MYO16: variants seen among roughly 807,000 people sequenced by gnomAD.
The protein encoded by MYO16 is unconventional myosin-XVI.
Under a neutral mutation model 205.3 loss-of-function variants are expected in MYO16, and 94 were observed. The ratio of observed to expected loss-of-function variants is 0.46; its 90% CI spans 0.39 to 0.54. MYO16 has a LOEUF of 0.54. MYO16 is among the 20% of genes least tolerant of loss of function. The pLI is 0.00. For synonymous variants in MYO16, 988 were observed against 954.0 expected, an observed-to-expected ratio of 1.04 and a Z score of -0.66; for missense variants, 2,315 against 2,387.5, an observed-to-expected ratio of 0.97 and a Z score of 0.63.
At chr13:108,967,676 G>A (rs180717855) in intron 20 of MYO16, among the ~76,000 whole-genome samples, 41 of 152,242 alleles carry the variant, frequency 2.7e-4, no homozygotes, top group African/African-American at 9.6e-4. Flanking sequence ...GTCCAAACAG[G>A]TAAAATAATA....
intron 4 of MYO16, among the ~76,000 whole-genome samples, chr13:108,773,608 C>G (rs1886036024): frequency 6.6e-6 from 1 of 152,130 alleles, no homozygotes; most frequent in South Asian, 2.1e-4. Flanking sequence ...TGGATTAAGG[C>G]CCATCCTACT....
At chr13:108,721,581 G>T (rs369973902) in intron 3 of MYO16, among the ~76,000 whole-genome samples, 2 of 152,310 alleles carry the variant, frequency 1.3e-5, no homozygotes, top group African/African-American at 4.8e-5. Flanking sequence ...ATGTCATCAT[G>T]GTCCCCAAGT....
At chr13:108,521,173 A>T in the MYO16 span, among the ~76,000 whole-genome samples, 4 of 152,234 alleles carry the variant, frequency 2.6e-5, no homozygotes, top group African/African-American at 9.6e-5. Context: ...GGAGGCTGGA[A>T]ATAAACATGT....
chr13:108,679,053 A>G (rs1261386020), intron 2 of MYO16, among the ~76,000 whole-genome samples: 1 of 152,024 alleles, frequency 6.6e-6, no homozygotes, highest in East Asian at 1.9e-4. Flanking sequence ...CCCACAGAAA[A>G]CCCCAGGTAA....
At chr13:109,035,170 A>G (rs944253217) in intron 23 of MYO16, among the ~76,000 whole-genome samples, 38 of 152,190 alleles carry the variant, frequency 2.5e-4, no homozygotes, top group African/African-American at 9.2e-4. Flanking sequence ...GGATTTTTGA[A>G]AAATCCTGCA....
At chr13:109,069,596 TA>T (rs376190064) in intron 27 of MYO16, among the ~76,000 whole-genome samples, 152,016 of 152,136 alleles carry the variant, frequency 1, 75,948 homozygotes, top group Non-Finnish European at 1. Flanking sequence ...AGAGGGGCTC[TA>T]CACTGTGTGC....
chr13:108,789,588 G>A (rs1325405158), intron 5 of MYO16, among the ~76,000 whole-genome samples: 1 of 152,142 alleles, frequency 6.6e-6, no homozygotes, highest in East Asian at 1.9e-4. Context: ...CTGCTGTTAG[G>A]GTTGGGAGAA....
At chr13:108,911,546 T>A (rs1881267827) in intron 16 of MYO16, among the ~76,000 whole-genome samples, 1 of 152,012 alleles carries the variant, frequency 6.6e-6, no homozygotes, top group African/African-American at 2.4e-5. Context: ...GGATCTCAGA[T>A]TAGAGTTGTA....
intron 14 of MYO16, among the ~76,000 whole-genome samples, chr13:108,892,091 C>G (rs1880203522): frequency 6.6e-6 from 1 of 152,070 alleles, no homozygotes; most frequent in South Asian, 2.1e-4. Context: ...GATCCCCAAG[C>G]TTATGTCTGA....
intron 16 of MYO16, among the ~76,000 whole-genome samples, chr13:108,929,697 C>A (rs1052273562): frequency 1.3e-5 from 2 of 152,074 alleles, no homozygotes; most frequent in Non-Finnish European, 2.9e-5. Flanking sequence ...CAAGGTCCTG[C>A]CTTCCATGGG....
At chr13:108,542,844 T>C in the MYO16 span, among the ~76,000 whole-genome samples, 4 of 151,782 alleles carry the variant, frequency 2.6e-5, no homozygotes, top group Non-Finnish European at 5.9e-5. Context: ...TTATTAATTT[T>C]AAATAAACCA....
chr13:108,615,298 A>G (rs1264609664), intron 1 of MYO16, among the ~76,000 whole-genome samples: 4 of 152,162 alleles, frequency 2.6e-5, no homozygotes, highest in African/African-American at 4.8e-5. Flanking sequence ...CAATCAGACA[A>G]TAACAAGTGC....
chr13:109,139,954 G>C (rs902206157), intron 31 of MYO16, among the ~76,000 whole-genome samples: 9 of 152,082 alleles, frequency 5.9e-5, no homozygotes, highest in Middle Eastern at 3.4e-3. Context: ...AACTAGGCAA[G>C]GGGGGTGGGT....
intron 16 of MYO16, among the ~76,000 whole-genome samples, chr13:108,951,850 C>G (rs1209608340): frequency 6.6e-6 from 1 of 152,158 alleles, no homozygotes; most frequent in African/African-American, 2.4e-5. Context: ...TGCCTGTAAT[C>G]CCAGCACTTT....
chr13:108,785,841 T>C, intron 5 of MYO16, 98 bp downstream of exon 5: 1 of 778,706 alleles, frequency 1.3e-6, no homozygotes, highest in Non-Finnish European at 2.1e-6. Context: ...TTCCGATGGA[T>C]GTAGTTTCCG....
rs114923182 is a variant in MYO16 at position 109,202,700 on chromosome 13, A to T, written c.5416-3909A>T. On this transcript the variant is annotated intron_variant, in intron 34 of 34. Coordinates refer to ENST00000457511, the MANE Select transcript of MYO16 (RefSeq NM_001198950.3). ...TATCATTCTTCACAGAACTAGAAAA[A>T]GCAATCCTAAAACTCATATGGAACC... Among the ~76,000 whole-genome samples the T allele has an allele frequency of 4.8e-3, 735 of 152,310 alleles. 8 individuals are homozygous for T. Among genetic ancestry groups the T allele is most frequent in the African/African-American group, 0.016 (680 of 41,576 alleles).
At chr13:108,820,273 A>G (rs1408988199) in intron 7 of MYO16, 64 bp from the exon 8 acceptor site, 3 of 1,197,726 alleles carry the variant, frequency 2.5e-6, no homozygotes, top group African/African-American at 1.5e-5. Context: ...ACAGTGTATG[A>G]CTTACTGATG....
At chr13:108,550,363 T>C in the MYO16 span, among the ~76,000 whole-genome samples, 2 of 152,262 alleles carry the variant, frequency 1.3e-5, no homozygotes, top group Non-Finnish European at 2.9e-5. Context: ...AGGACAAGCA[T>C]GCTCAAGTCA....
intron 22 of MYO16, among the ~76,000 whole-genome samples, chr13:109,014,257 GTCAAAGA>G (rs1175774911): frequency 1.3e-5 from 2 of 152,110 alleles, no homozygotes; most frequent in Non-Finnish European, 2.9e-5. Flanking sequence ...TGCCACATTT[GTCAAAGA>G]TCAGATGGTT....
Sources: gnomAD v4.1 joint callset for allele counts (sites outside exome capture counted in the v4.1 genomes callset) on GRCh38, gnomAD v4.1.1 for gene constraint, MANE v1.5 for transcripts, NCBI Gene and HGNC (gene_info 2026-07-23, HGNC 2026-07-21) for gene names.